CECR2: variants seen among roughly 807,000 people sequenced by gnomAD.
CECR2 encodes chromatin remodeling regulator CECR2.
Under a neutral mutation model 154.5 loss-of-function variants are expected in CECR2, and 30 were observed. The observed-to-expected ratio is 0.19, with a 90% confidence interval of 0.15 to 0.26. CECR2 has a LOEUF of 0.26. CECR2 is among the 10% of genes least tolerant of loss of function. The pLI is 1.00. For missense variants in CECR2, 1,743 were observed against 1,829.3 expected (o/e 0.95, Z 0.86); for synonymous variants, 725 against 683.7 (o/e 1.06, Z -0.94).
rs2056654920 is a variant in CECR2, at chr22:17,548,679, C to T, written c.3392C>T (p.Ala1131Val). 1 of 1,613,416 alleles carries T rather than the reference C, an allele frequency of 6.2e-7. No individual in the cohort carries two copies. Among genetic ancestry groups the T allele is most frequent in the African/African-American group, 1.3e-5 (1 of 75,028 alleles). Residue 1131 changes from alanine (A) to valine (V), a missense_variant, in exon 17 of 19, where the codon GCC becomes GTC. Ala to Val is a moderately conservative substitution (Grantham distance 64). Around this residue, in one of 4 missense-constraint regions of CECR2, gnomAD observed 1,250 missense variants for 1,192.1 expected, o/e 1.05. Coordinates refer to ENST00000262608, the MANE Select transcript of CECR2 (RefSeq NM_001290047.2). ...MPGLEYPNSA[A>V]HYHISPGLQG... ...GGCCTAGAGTACCCGAATTCAGCTGCCCATTACCACATCAGTCCAGGCCTG... is the reference window on the plus strand; with the variant it reads ...GGCCTAGAGTACCCGAATTCAGCTGTCCATTACCACATCAGTCCAGGCCTG...
upstream of CECR2, among the ~76,000 whole-genome samples, chr22:17,365,787 C>T (rs1257779798): frequency 6.6e-6 from 1 of 151,646 alleles, no homozygotes; most frequent in African/African-American, 2.4e-5. Context: ...AGGAGGATTG[C>T]TCAGTAAGGT....
At chr22:17,446,935 A>T (rs1601372748) in intron 1 of CECR2, among the ~76,000 whole-genome samples, 1 of 150,906 alleles carries the variant, frequency 6.6e-6, no homozygotes, top group South Asian at 2.1e-4. Flanking sequence ...ACACTGGTGC[A>T]TTTTTACACA....
In CECR2 at chr22:17,487,457, T is replaced by C. The variant is rs974571064; in HGVS notation, c.221+9775T>C. Among the ~76,000 whole-genome samples, 4 of 152,178 alleles carry C rather than the reference T, an allele frequency of 2.6e-5. No homozygotes were observed. In the East Asian group the frequency reaches 7.7e-4, roughly 29 times the overall value. ...GCTCATGCCTGTAATCCCAGCACTTTGGGAGGCCGAGGCGGGTGGATCACT... is the reference window on the plus strand; with the variant it reads ...GCTCATGCCTGTAATCCCAGCACTTCGGGAGGCCGAGGCGGGTGGATCACT... On this transcript the variant is annotated intron_variant, in intron 2 of 18. Coordinates refer to ENST00000262608, the MANE Select transcript of CECR2 (RefSeq NM_001290047.2).
In CECR2 at chr22:17,549,111, A is replaced by G; in HGVS notation, c.3824A>G (p.Asn1275Ser). The G allele has an allele frequency of 6.2e-7, 1 of 1,614,046 alleles. No homozygotes were observed. Among genetic ancestry groups the G allele is most frequent in the Non-Finnish European group, 8.5e-7 (1 of 1,179,882 alleles). The part of the protein sequence containing the change: ...VAAKVPNDGQ[N>S]PGPEEEKLDE... ...GCTAAAGTCCCAAATGACGGGCAGA[A>G]TCCTGGTCCAGAGGAAGAGAAGCTG... is the stretch of plus-strand genomic sequence containing the variant. The change falls in exon 17 of 19, where the codon AAT (asparagine) becomes AGT (serine). Residue 1275 changes from asparagine to serine, a missense_variant. Physicochemically the swap from Asn to Ser is conservative, Grantham distance 46 (BLOSUM62 1). Coordinates refer to ENST00000262608, the MANE Select transcript of CECR2 (RefSeq NM_001290047.2).
At chr22:17,521,250 C>T (rs1233524076) in intron 8 of CECR2, among the ~76,000 whole-genome samples, 2 of 152,072 alleles carry the variant, frequency 1.3e-5, no homozygotes, top group Admixed American at 6.6e-5. Context: ...TTTTGAGAAG[C>T]ATCTGTTCGG....
chr22:17,547,632 T>C (rs575759606), intron 16 of CECR2, among the ~76,000 whole-genome samples: 2 of 152,292 alleles, frequency 1.3e-5, no homozygotes, highest in African/African-American at 4.8e-5. Context: ...TCTGTGTGCA[T>C]GAACTGAGAG....
At chr22:17,532,105 G>A (rs985338587) in intron 9 of CECR2, among the ~76,000 whole-genome samples, 1 of 152,106 alleles carries the variant, frequency 6.6e-6, no homozygotes, top group African/African-American at 2.4e-5. Context: ...AGGAGGTCAA[G>A]GCTGCAGTGA....
intron 8 of CECR2, among the ~76,000 whole-genome samples, chr22:17,521,164 TTTTGA>T (rs1342868886): frequency 6.6e-6 from 1 of 152,176 alleles, no homozygotes; most frequent in Admixed American, 6.5e-5. Flanking sequence ...CTCATTGTGG[TTTTGA>T]TTTGCATTTC....
chr22:17,531,038 T>G (rs2056346903), intron 9 of CECR2, among the ~76,000 whole-genome samples: 1 of 152,134 alleles, frequency 6.6e-6, no homozygotes, highest in Non-Finnish European at 1.5e-5. Flanking sequence ...GTATGCTCAT[T>G]TGGGTGATAT....
At chr22:17,376,783 C>T (rs1320111871) in intron 1 of CECR2, among the ~76,000 whole-genome samples, 7 of 151,978 alleles carry the variant, frequency 4.6e-5, no homozygotes, top group Non-Finnish European at 4.4e-5. Flanking sequence ...GGATTTCAGA[C>T]ATGTGCCATC....
At chr22:17,469,236 C>T (rs1401526476) in intron 1 of CECR2, among the ~76,000 whole-genome samples, 1 of 151,854 alleles carries the variant, frequency 6.6e-6, no homozygotes, top group Non-Finnish European at 1.5e-5. Context: ...ATACCATGTG[C>T]CAGGCTCTGT....
chr22:17,501,065 A>C (rs1437471095), intron 5 of CECR2, among the ~76,000 whole-genome samples: 17 of 152,122 alleles, frequency 1.1e-4, no homozygotes, highest in Admixed American at 1.1e-3. Context: ...ATTTTCTTTT[A>C]TATGTCATTA....
At chr22:17,523,521 C>T (rs1311216395) in intron 8 of CECR2, among the ~76,000 whole-genome samples, 1 of 152,036 alleles carries the variant, frequency 6.6e-6, no homozygotes, top group Non-Finnish European at 1.5e-5. Flanking sequence ...CTTTGGGAGG[C>T]TGAGGCAGGT....
intron 9 of CECR2, among the ~76,000 whole-genome samples, chr22:17,530,295 C>G: frequency 6.6e-6 from 1 of 151,356 alleles, no homozygotes; most frequent in Non-Finnish European, 1.5e-5. Flanking sequence ...GTGCCGCGCC[C>G]GGCACATGAC....
In CECR2 at chr22:17,533,145, G is replaced by A. The variant is rs149952567; in HGVS notation, c.1109-3958G>A. ...ATCCTGGCCAACTTGGTGAAACCCC[G>A]TCTCTACTAAAAATAGAAAAATTAG... On this transcript the variant is annotated intron_variant, in intron 9 of 18. Transcript: ENST00000262608. 5.2e-3 allele frequency among the ~76,000 whole-genome samples: 790 copies of A among 151,022 alleles called. 6 individuals are homozygous for A. Among genetic ancestry groups the A allele is most frequent in the African/African-American group, 0.018 (746 of 41,146 alleles).
At chr22:17,382,066 T>G (rs1182311424) in intron 1 of CECR2, among the ~76,000 whole-genome samples, 1 of 151,674 alleles carries the variant, frequency 6.6e-6, no homozygotes, top group African/African-American at 2.4e-5. Context: ...TTTTTTTTTT[T>G]TTTTTAGTAG....
chr22:17,556,097 A>G lies in CECR2; in HGVS notation c.*3257A>G, dbSNP rs948278519. On this transcript the variant is annotated 3_prime_UTR_variant, in exon 19 of 19. Coordinates refer to ENST00000262608, the MANE Select transcript of CECR2 (RefSeq NM_001290047.2). ...GAATGAATGTGGAGAATAAATAAGA[A>G]CAAACCCTGTAGGATTCTTGTTGAC... The G allele has an allele frequency of 1.1e-4, 17 of 152,206 alleles. No individual in the cohort carries two copies. Among genetic ancestry groups the G allele is most frequent in the African/African-American group, 3.6e-4 (15 of 41,448 alleles). The allele number at this position is 152,206 out of a possible 1,614,324, so 9.4% of individuals were successfully genotyped here. A position where few individuals can be genotyped will look rare whatever the true frequency, so the allele number is the denominator to read the frequency against.
intron 1 of CECR2, among the ~76,000 whole-genome samples, chr22:17,476,715 T>A (rs2055213815): frequency 1.3e-5 from 2 of 152,216 alleles, no homozygotes; most frequent in Non-Finnish European, 1.5e-5. Flanking sequence ...GGGAGCAGAC[T>A]CTTGGGAAAT....
At chr22:17,499,681 G>A (rs943625820) in intron 4 of CECR2, 132 bp downstream of exon 4, 1 of 883,818 alleles carries the variant, frequency 1.1e-6, no homozygotes, top group African/African-American at 1.7e-5. Flanking sequence ...CAAAGAGATG[G>A]TAAGGAGATA....
Sources: allele counts gnomAD v4.1 joint callset (sites outside exome capture counted in the v4.1 genomes callset), GRCh38; gene constraint gnomAD v4.1.1; regional missense constraint gnomAD v4.1.1; transcripts MANE v1.5; gene names NCBI Gene and HGNC (gene_info 2026-07-23, HGNC 2026-07-21).